CLASP1: variants seen among roughly 807,000 people sequenced by gnomAD.
CLASP1 encodes the protein CLIP-associating protein 1.
In CLASP1, 38 loss-of-function variants were observed where a neutral mutation model predicts 192.3. The ratio of observed to expected loss-of-function variants is 0.20; its 90% CI spans 0.15 to 0.26. CLASP1 has a LOEUF of 0.26. Among genes scored for constraint, CLASP1 ranks in the 10% least tolerant of loss-of-function variants. CLASP1 has a pLI of 1.00. For missense variants in CLASP1, 1,433 were observed against 1,932.5 expected (o/e 0.74, Z 4.85); for synonymous variants, 691 against 712.8 (o/e 0.97, Z 0.49).
chr2:121,403,714 T>G, intron 26 of CLASP1: 1 of 459,686 alleles, frequency 2.2e-6, no homozygotes, highest in Non-Finnish European at 4.4e-6. Context: ...TCTCACGTCT[T>G]TTCCACCACC....
intron 8 of CLASP1, among the ~76,000 whole-genome samples, chr2:121,495,284 C>T (rs1232208641): frequency 6.6e-6 from 1 of 151,952 alleles, no homozygotes; most frequent in Non-Finnish European, 1.5e-5. Flanking sequence ...GATGGCACCA[C>T]TGCCCTCCAG....
chr2:121,484,595 G>A (rs1270436512), intron 8 of CLASP1, among the ~76,000 whole-genome samples: 1 of 152,170 alleles, frequency 6.6e-6, no homozygotes, highest in Non-Finnish European at 1.5e-5. Flanking sequence ...TGGAGGCCAG[G>A]ATTATCTTCC....
rs2082196662 is a variant in CLASP1, at chr2:121,435,794, C to A, written c.1913-5617G>T. ...AACCTCTTTGAGATAATTATAGATT[C>A]CTATGCAGTTTTAAGTTTTAAGATT... On this transcript the variant is annotated intron_variant, in intron 19 of 39. Transcript: ENST00000263710. Among the ~76,000 whole-genome samples the A allele has an allele frequency of 1.3e-5, 2 of 152,012 alleles. 1 individual carries two copies. Among genetic ancestry groups the A allele is most frequent in the South Asian group, 4.2e-4 (2 of 4,812 alleles).
intron 20 of CLASP1, among the ~76,000 whole-genome samples, chr2:121,429,775 T>A (rs1414887806): frequency 6.6e-6 from 1 of 152,106 alleles, no homozygotes; most frequent in Non-Finnish European, 1.5e-5. Flanking sequence ...CAAAAATGAG[T>A]CACAGAACAG....
chr2:121,342,734 TCAAGACCAGA>T (rs1004240553), intron 39 of CLASP1, among the ~76,000 whole-genome samples: 1 of 151,958 alleles, frequency 6.6e-6, no homozygotes, highest in Admixed American at 6.6e-5. Flanking sequence ...TGAAACCAGT[TCAAGACCAGA>T]CTGGCAACAT....
At chr2:121,384,741 C>T (rs1342967293) in intron 32 of CLASP1, among the ~76,000 whole-genome samples, 2 of 152,012 alleles carry the variant, frequency 1.3e-5, no homozygotes, top group African/African-American at 2.4e-5. Flanking sequence ...ATTAGCTGGG[C>T]GTGGTGGTGT....
intron 2 of CLASP1, among the ~76,000 whole-genome samples, chr2:121,550,726 C>T (rs2057960074): frequency 1.3e-5 from 2 of 151,992 alleles, no homozygotes; most frequent in Admixed American, 1.3e-4. Context: ...AAATAATGAG[C>T]TCCAAAACTG....
At chr2:121,588,073 T>C (rs1327308343) in intron 2 of CLASP1, among the ~76,000 whole-genome samples, 3 of 141,772 alleles carry the variant, frequency 2.1e-5, no homozygotes, top group African/African-American at 5.3e-5. Flanking sequence ...ACTCAGGAGG[T>C]TGAGGCAGGA....
chr2:121,565,265 G>A (rs944962983), intron 2 of CLASP1, among the ~76,000 whole-genome samples: 3 of 152,176 alleles, frequency 2.0e-5, no homozygotes, highest in Non-Finnish European at 4.4e-5. Context: ...GCAGGAACTA[G>A]GTCTCATTCT....
intron 12 of CLASP1, 41 bp from the exon 13 acceptor site, chr2:121,459,016 T>C (rs773970032): frequency 6.6e-7 from 1 of 1,503,872 alleles, no homozygotes; most frequent in Non-Finnish European, 9.0e-7. Context: ...TTATTTTTCT[T>C]AGAGACAGTG....
intron 37 of CLASP1, among the ~76,000 whole-genome samples, chr2:121,351,889 C>T (rs75050604): frequency 6.6e-5 from 10 of 152,338 alleles, no homozygotes; most frequent in African/African-American, 1.9e-4. Context: ...TCAAGCACCT[C>T]GTAAGATTCT....
intron 8 of CLASP1, among the ~76,000 whole-genome samples, chr2:121,489,987 G>A (rs191926763): frequency 7.6e-4 from 116 of 152,214 alleles, no homozygotes; most frequent in Non-Finnish European, 1.2e-3. Flanking sequence ...AACATAAGCA[G>A]AGAAAAATTA....
rs1397529239 is a variant in CLASP1, at chr2:121,455,716, T to C, written c.1385+1971A>G. On this transcript the variant is annotated intron_variant, in intron 14 of 39. Coordinates refer to ENST00000263710, the Ensembl canonical transcript of CLASP1. ...CTCTACAAAAAATTTAAAACTTAGC[T>C]GGGGGCGTGGTGGCGGACGCCTATG... 2.0e-5 allele frequency among the ~76,000 whole-genome samples: 3 copies of C among 152,006 alleles called. No individual in the cohort carries two copies. The East Asian group carries it at 5.8e-4, about 29-fold the overall frequency.
At chr2:121,635,998 T>C (rs1227759770) in intron 1 of CLASP1, among the ~76,000 whole-genome samples, 1 of 151,906 alleles carries the variant, frequency 6.6e-6, no homozygotes, top group Non-Finnish European at 1.5e-5. Context: ...GCCCAGGAGT[T>C]TGAGATCAGC....
At chr2:121,544,349 A>G (rs1442548596) in intron 2 of CLASP1, among the ~76,000 whole-genome samples, 3 of 151,572 alleles carry the variant, frequency 2.0e-5, no homozygotes, top group African/African-American at 7.3e-5. Context: ...ATCTCCTTCC[A>G]CTGATTTTTC....
At chr2:121,561,715 T>A (rs2059105398) in intron 2 of CLASP1, among the ~76,000 whole-genome samples, 1 of 152,212 alleles carries the variant, frequency 6.6e-6, no homozygotes, top group Non-Finnish European at 1.5e-5. Flanking sequence ...TTGATTTAGA[T>A]GGAGATAAGG....
intron 6 of CLASP1, 56 bp downstream of exon 6, chr2:121,525,789 G>T (rs543352242): frequency 8.3e-6 from 10 of 1,201,014 alleles, no homozygotes; most frequent in Middle Eastern, 1.9e-4. Context: ...ACACCAGAAT[G>T]CATCTCAACA....
intron 2 of CLASP1, among the ~76,000 whole-genome samples, chr2:121,576,734 C>CT (rs1327472710): frequency 1.3e-5 from 2 of 152,160 alleles, no homozygotes; most frequent in Non-Finnish European, 2.9e-5. Flanking sequence ...CTTTTGGAGA[C>CT]TGGTAGACAC....
intron 1 of CLASP1, among the ~76,000 whole-genome samples, chr2:121,630,779 G>A (rs1039113159): frequency 1.3e-5 from 2 of 150,334 alleles, no homozygotes; most frequent in Admixed American, 6.7e-5. Context: ...CAGGAGAATC[G>A]CTTGAACCCA....
Sources: allele counts gnomAD v4.1 joint callset (sites outside exome capture counted in the v4.1 genomes callset), GRCh38; gene constraint gnomAD v4.1.1; transcripts MANE v1.5; gene names NCBI Gene and HGNC (gene_info 2026-07-23, HGNC 2026-07-21).